SPAG16: variants seen among roughly 807,000 people sequenced by gnomAD.
The protein encoded by SPAG16 is sperm associated antigen 16.
In SPAG16, 86 loss-of-function variants were observed where a neutral mutation model predicts 80.4. The ratio of observed to expected loss-of-function variants is 1.07; its 90% confidence interval spans 0.90 to 1.28. The LOEUF (loss-of-function observed/expected upper bound fraction) is 1.28. SPAG16 is among the 50% of genes most tolerant of loss of function. The probability of loss-of-function intolerance (pLI) is 0.00; values close to 1 mark genes in which losing one functional copy is unlikely to be tolerated. For synonymous variants in SPAG16, 294 were observed against 265.9 expected, an observed-to-expected ratio of 1.11 and a Z score of -1.03; for missense variants, 870 against 765.3, an observed-to-expected ratio of 1.14 and a Z score of -1.61.
chr2:214,167,931 C>T (rs2056723192), intron 15 of SPAG16, among the ~76,000 whole-genome samples: 5 of 150,636 alleles, frequency 3.3e-5, no homozygotes, highest in Non-Finnish European at 5.9e-5. Context: ...TAACCTTGGG[C>T]AAATTCCTTA....
At chr2:214,398,163 G>A (rs1383750052) in intron 15 of SPAG16, among the ~76,000 whole-genome samples, 5 of 152,098 alleles carry the variant, frequency 3.3e-5, no homozygotes, top group African/African-American at 1.2e-4. Flanking sequence ...TTACACTGCT[G>A]GAATCAGAAT....
At chr2:214,259,005 T>TA (rs1354766722) in intron 15 of SPAG16, among the ~76,000 whole-genome samples, 6 of 152,118 alleles carry the variant, frequency 3.9e-5, no homozygotes, top group Non-Finnish European at 7.4e-5. Context: ...TTGCTATTAA[T>TA]AGTTCCAACA....
intron 15 of SPAG16, among the ~76,000 whole-genome samples, chr2:214,261,043 G>C (rs1423276026): frequency 7.5e-6 from 1 of 132,766 alleles, no homozygotes; most frequent in East Asian, 2.3e-4. Flanking sequence ...GGAGGCAGAG[G>C]TTGCAGTGAG....
chr2:213,385,817 C>T (rs2067400752), intron 9 of SPAG16, among the ~76,000 whole-genome samples: 1 of 151,402 alleles, frequency 6.6e-6, no homozygotes, highest in Admixed American at 6.6e-5. Flanking sequence ...CACACACACA[C>T]GTATGACTTC....
intron 13 of SPAG16, among the ~76,000 whole-genome samples, chr2:214,054,373 A>C (rs2049824131): frequency 6.6e-6 from 1 of 152,124 alleles, no homozygotes. Context: ...TAAAGTAACA[A>C]TTAAAATCTC....
intron 11 of SPAG16, among the ~76,000 whole-genome samples, chr2:213,929,013 T>A (rs1438118003): frequency 1.5e-5 from 2 of 135,232 alleles, no homozygotes; most frequent in Non-Finnish European, 3.2e-5. Flanking sequence ...TTTTTTTTTT[T>A]TTTTTTTTTT....
chr2:214,376,068 T>C (rs1700109718), intron 15 of SPAG16, among the ~76,000 whole-genome samples: 2 of 152,100 alleles, frequency 1.3e-5, no homozygotes, highest in Admixed American at 1.3e-4. Context: ...ATTTTTGCTT[T>C]CTTATGATCT....
At chr2:213,685,157 A>T (rs188337950) in intron 10 of SPAG16, among the ~76,000 whole-genome samples, 42 of 152,348 alleles carry the variant, frequency 2.8e-4, no homozygotes, top group Admixed American at 1.3e-3. Context: ...TATGGGTTGC[A>T]TTATGTCACA....
At chr2:214,208,227 TAG>T (rs540934191) in intron 15 of SPAG16, among the ~76,000 whole-genome samples, 1 of 152,336 alleles carries the variant, frequency 6.6e-6, no homozygotes, top group South Asian at 2.1e-4. Flanking sequence ...GAGAATAATT[TAG>T]GTTTCCAGAA....
chr2:213,308,204 A>G (rs16850173), intron 3 of SPAG16, among the ~76,000 whole-genome samples: 3,117 of 152,240 alleles, frequency 0.02, 98 homozygotes, highest in African/African-American at 0.07. Flanking sequence ...AGTATTCCCT[A>G]TTCCTTGGTA....
At chr2:213,477,306 G>C (rs1359671863) in intron 9 of SPAG16, among the ~76,000 whole-genome samples, 1 of 152,160 alleles carries the variant, frequency 6.6e-6, no homozygotes, top group Non-Finnish European at 1.5e-5. Context: ...ATGGGGCACT[G>C]CCTAATAAAG....
chr2:214,395,513 AC>A (rs1315502601), intron 15 of SPAG16, among the ~76,000 whole-genome samples: 1 of 152,088 alleles, frequency 6.6e-6, no homozygotes. Flanking sequence ...AAGGTATTTG[AC>A]CCATTTTTAA....
chr2:213,796,692 T>C (rs1593688), intron 10 of SPAG16, among the ~76,000 whole-genome samples: 92,022 of 151,966 alleles, frequency 0.61, 29,929 homozygotes, highest in South Asian at 0.86. Context: ...ACAAACCTGC[T>C]GCACTTCTAA....
intron 15 of SPAG16, among the ~76,000 whole-genome samples, chr2:214,321,224 T>A (rs1437371088): frequency 6.6e-6 from 1 of 152,154 alleles, no homozygotes; most frequent in African/African-American, 2.4e-5. Flanking sequence ...TAATTTCACA[T>A]ATAGAGTTTA....
chr2:213,840,484 T>A (rs1053810251), intron 10 of SPAG16, among the ~76,000 whole-genome samples: 22 of 152,160 alleles, frequency 1.4e-4, no homozygotes, highest in African/African-American at 5.1e-4. Context: ...ACAAAATATT[T>A]GTTAAACTTT....
chr2:213,855,608 G>T (rs537486714), intron 10 of SPAG16, among the ~76,000 whole-genome samples: 16 of 152,282 alleles, frequency 1.1e-4, no homozygotes, highest in African/African-American at 3.6e-4. Context: ...GAAGAAAAGA[G>T]ATTTAATTGT....
rs556416618 is a variant in SPAG16, at chr2:214,133,774, T to A, written c.1594-15366T>A. Among the ~76,000 whole-genome samples, 17 of 152,208 alleles carry A rather than the reference T, an allele frequency of 1.1e-4. No homozygotes were observed. In the South Asian group the frequency reaches 2.5e-3, roughly 22 times the overall value. ...TTGATGACAGGCTAAAATAAGGGAT[T>A]TTTGGAGGCAAATTTCAACTGAATA... On this transcript the variant is annotated intron_variant, in intron 14 of 15. Transcript: ENST00000331683.
intron 10 of SPAG16, among the ~76,000 whole-genome samples, chr2:213,851,381 G>T (rs2074897675): frequency 6.6e-6 from 1 of 152,108 alleles, no homozygotes; most frequent in African/African-American, 2.4e-5. Flanking sequence ...GGCGGTGGGT[G>T]CCTGTAATCT....
chr2:213,591,786 C>A (rs1348403555), intron 10 of SPAG16, among the ~76,000 whole-genome samples: 1 of 152,114 alleles, frequency 6.6e-6, no homozygotes, highest in African/African-American at 2.4e-5. Context: ...TCTGGCTAAA[C>A]TGACATAAAA....
Sources: allele counts gnomAD v4.1 joint callset (sites outside exome capture counted in the v4.1 genomes callset), GRCh38; gene constraint gnomAD v4.1.1; transcripts MANE v1.5; gene names NCBI Gene and HGNC (gene_info 2026-07-23, HGNC 2026-07-21).